PRKCA: variants seen among roughly 807,000 people sequenced by gnomAD.
The protein encoded by PRKCA is protein kinase C alpha type.
PRKCA carries 27 observed loss-of-function variants against 87.0 expected under a neutral mutation model. The observed-to-expected ratio is 0.31, with a 90% CI of 0.23 to 0.43. The LOEUF is 0.43. PRKCA is among the 20% of genes least tolerant of loss of function. The probability of loss-of-function intolerance (pLI) is 1.00; values close to 1 mark genes in which losing one functional copy is unlikely to be tolerated. For synonymous variants in PRKCA, 329 were observed against 311.1 expected (o/e 1.06, Z -0.61); for missense variants, 518 against 852.3 (o/e 0.61, Z 4.88).
chr17:66,303,391 C>T (rs1220541730), intron 1 of PRKCA, among the ~76,000 whole-genome samples: 1 of 152,138 alleles, frequency 6.6e-6, no homozygotes, highest in Non-Finnish European at 1.5e-5. Flanking sequence ...AGGAGAGGCC[C>T]TAAGGGGGCA....
chr17:66,308,257 G>A (rs1365343475), intron 2 of PRKCA, among the ~76,000 whole-genome samples: 1 of 152,066 alleles, frequency 6.6e-6, no homozygotes, highest in African/African-American at 2.4e-5. Context: ...ACATTTTTTT[G>A]TATTAATGGG....
At chr17:66,496,424 G>T in intron 3 of PRKCA, 141 bp downstream of exon 3, 1 of 684,774 alleles carries the variant, frequency 1.5e-6, no homozygotes, top group South Asian at 1.9e-5. Flanking sequence ...TTGTAGTAAT[G>T]AGCAGATTTA....
intron 3 of PRKCA, among the ~76,000 whole-genome samples, chr17:66,614,101 TA>T (rs1970451608): frequency 6.6e-6 from 1 of 152,126 alleles, no homozygotes. Flanking sequence ...GACCTCATCT[TA>T]ACTTAACTAA....
chr17:66,324,318 T>C (rs993601842), intron 2 of PRKCA, among the ~76,000 whole-genome samples: 4 of 151,920 alleles, frequency 2.6e-5, no homozygotes, highest in Non-Finnish European at 5.9e-5. Context: ...TGAAGAAATA[T>C]AGGCAGGCAT....
chr17:66,721,288 T>C (rs1275972107), intron 8 of PRKCA, among the ~76,000 whole-genome samples: 1 of 151,112 alleles, frequency 6.6e-6, no homozygotes, highest in Non-Finnish European at 1.5e-5. Context: ...TCCCAGCTAC[T>C]CAGGAGGCTG....
At chr17:66,331,188 T>G (rs1906301619) in intron 2 of PRKCA, among the ~76,000 whole-genome samples, 1 of 152,176 alleles carries the variant, frequency 6.6e-6, no homozygotes, top group Admixed American at 6.5e-5. Flanking sequence ...GTCTTAGCTG[T>G]GTCCTCTGAT....
At chr17:66,650,583 A>G (rs16959813) in intron 5 of PRKCA, among the ~76,000 whole-genome samples, 14,969 of 152,130 alleles carry the variant, frequency 0.098, 791 homozygotes, top group Middle Eastern at 0.18. Flanking sequence ...TTTTCTCAAC[A>G]ACTTGAGTTT....
rs1248252381 is a variant in PRKCA at position 66,699,134 on chromosome 17, G to A, written c.918+10087G>A. The stretch of plus-strand genomic sequence containing the variant: ...GGATGGCTTGAGCTCAGGAATTTGA[G>A]GCTGTGGAGCAGCTTCGATTGTGCG... On this transcript the variant is annotated intron_variant, in intron 8 of 16. Transcript: ENST00000413366. Among the ~76,000 whole-genome samples the A allele has an allele frequency of 2.6e-5, 4 of 150,958 alleles. No homozygotes were observed. In the East Asian group the frequency reaches 5.8e-4, roughly 22 times the overall value.
intron 3 of PRKCA, among the ~76,000 whole-genome samples, chr17:66,577,717 G>A (rs571304818): frequency 1.3e-5 from 2 of 151,884 alleles, no homozygotes; most frequent in South Asian, 2.1e-4. Flanking sequence ...TTTTTATTGC[G>A]TCCATGTATT....
At chr17:66,456,673 G>A (rs769336722) in intron 2 of PRKCA, among the ~76,000 whole-genome samples, 3 of 152,128 alleles carry the variant, frequency 2.0e-5, no homozygotes, top group Non-Finnish European at 2.9e-5. Context: ...GACTGACTGC[G>A]AGGCAAGTGA....
chr17:66,713,912 G>A (rs76069160), intron 8 of PRKCA, among the ~76,000 whole-genome samples: 3,899 of 152,284 alleles, frequency 0.026, 174 homozygotes, highest in African/African-American at 0.09. Context: ...GATGGTTTGG[G>A]TGGGGGCAGG....
intron 5 of PRKCA, among the ~76,000 whole-genome samples, chr17:66,671,988 T>C (rs1373790886): frequency 6.6e-6 from 1 of 152,190 alleles, no homozygotes; most frequent in Non-Finnish European, 1.5e-5. Context: ...TTTCACACTG[T>C]ACACCAAAAT....
intron 3 of PRKCA, among the ~76,000 whole-genome samples, chr17:66,591,202 G>A (rs1765754414): frequency 6.6e-6 from 1 of 152,152 alleles, no homozygotes; most frequent in Non-Finnish European, 1.5e-5. Context: ...ACCCAGGCTG[G>A]AATGTAGCGG....
At chr17:66,521,958 A>G (rs1383545282) in intron 3 of PRKCA, among the ~76,000 whole-genome samples, 1 of 152,248 alleles carries the variant, frequency 6.6e-6, no homozygotes, top group African/African-American at 2.4e-5. Context: ...GAAGGAAAGA[A>G]TTGAGGAATG....
At chr17:66,462,831 G>T (rs1052918659) in intron 2 of PRKCA, among the ~76,000 whole-genome samples, 39 of 152,042 alleles carry the variant, frequency 2.6e-4, no homozygotes, top group Non-Finnish European at 2.9e-5. Context: ...ATTAAAAGTA[G>T]CCCAGAAGTT....
rs915396724 is a variant in PRKCA at position 66,773,967 on chromosome 17, A to G, written c.1525-20A>G. On this transcript the variant is annotated intron_variant, in intron 13 of 16. Coordinates refer to ENST00000413366, the MANE Select transcript of PRKCA (RefSeq NM_002737.3). ...ATTGGACTTACCACTAATGTAATTG[A>G]TGTGTTTGTTTTCACACAGATAATC... 1 of 1,613,634 alleles carries G rather than the reference A, an allele frequency of 6.2e-7. No individual in the cohort carries two copies. Among genetic ancestry groups the G allele is most frequent in the Non-Finnish European group, 8.5e-7 (1 of 1,179,784 alleles).
intron 5 of PRKCA, among the ~76,000 whole-genome samples, chr17:66,646,004 C>G (rs1328157554): frequency 1.3e-5 from 2 of 152,180 alleles, no homozygotes; most frequent in Non-Finnish European, 2.9e-5. Context: ...CTAGGAACTT[C>G]ACATAGATTA....
chr17:66,800,763 C>T (rs889984182), intron 16 of PRKCA, among the ~76,000 whole-genome samples: 1 of 152,228 alleles, frequency 6.6e-6, no homozygotes, highest in Admixed American at 6.5e-5. Context: ...CCAGCCTAGA[C>T]GTCTATCTGT....
chr17:66,657,054 G>A (rs1306943326), intron 5 of PRKCA, among the ~76,000 whole-genome samples: 1 of 152,206 alleles, frequency 6.6e-6, no homozygotes, highest in African/African-American at 2.4e-5. Flanking sequence ...TAGCTTGTAG[G>A]CGTTTCCAAT....
Sources: gnomAD v4.1 joint callset for allele counts (sites outside exome capture counted in the v4.1 genomes callset) on GRCh38, gnomAD v4.1.1 for gene constraint, MANE v1.5 for transcripts, NCBI Gene and HGNC (gene_info 2026-07-23, HGNC 2026-07-21) for gene names.